Variants in LMO3 observed in about 807,000 individuals in gnomAD.
LMO3 encodes the protein LIM domain only protein 3.
In LMO3, 2 loss-of-function variants were observed where a neutral mutation model predicts 15.8. That is an observed-to-expected ratio of 0.13 (90% CI 0.05 to 0.40). The LOEUF is 0.40. Among genes scored for constraint, LMO3 ranks in the 10% least tolerant of loss-of-function variants. The pLI is 0.99. For synonymous variants in LMO3, 62 were observed against 63.8 expected, an observed-to-expected ratio of 0.97 and a Z score of 0.13; for missense variants, 86 against 182.2, an observed-to-expected ratio of 0.47 and a Z score of 3.04.
chr12:16,580,578 G>T (rs1429930156), intron 2 of LMO3, among the ~76,000 whole-genome samples: 1 of 152,130 alleles, frequency 6.6e-6, no homozygotes, highest in Non-Finnish European at 1.5e-5. Context: ...TCAGGTAGTA[G>T]ATTATATAAA....
chr12:16,586,890 C>T lies in LMO3; in HGVS notation c.206+13765G>A, dbSNP rs969837369. ...AAAATGGTAAAATTAGACAATACGTCTCATCTAAATTCATGGAATTCTCCC... is the reference window on the plus strand; with the variant it reads ...AAAATGGTAAAATTAGACAATACGTTTCATCTAAATTCATGGAATTCTCCC... On this transcript the variant is annotated intron_variant, in intron 2 of 3. Coordinates refer to ENST00000537304, the MANE Select transcript of LMO3 (RefSeq NM_018640.5). The surrounding 1 kb of genome is among the most constrained non-coding windows in gnomAD (Gnocchi z 4.3). 3.3e-5 allele frequency among the ~76,000 whole-genome samples: 5 copies of T among 152,138 alleles called. No individual in the cohort carries two copies. The highest frequency in any genetic ancestry group is 5.9e-5 in the Non-Finnish European group (4 of 68,026).
In LMO3 at chr12:16,586,869, TG is replaced by T. The variant is rs1943339214; in HGVS notation, c.206+13785del. Among the ~76,000 whole-genome samples the T allele has an allele frequency of 1.3e-5, 2 of 152,194 alleles. No homozygotes were observed. The highest frequency in any genetic ancestry group is 2.4e-5 in the African/African-American group (1 of 41,458). ...CTGGATGACAGATTTGTTTTTAAAA[TG>T]GTAAAATTAGACAATACGTCTCATC... On this transcript the variant is annotated intron_variant, in intron 2 of 3. Transcript: ENST00000537304. The surrounding 1 kb of genome is among the most constrained non-coding windows in gnomAD (Gnocchi z 4.3).
chr12:16,573,300 T>C (rs1942882605), intron 2 of LMO3, among the ~76,000 whole-genome samples: 1 of 152,110 alleles, frequency 6.6e-6, no homozygotes, highest in African/African-American at 2.4e-5. Context: ...TCAGATATAG[T>C]TGAAACAAAA....
chr12:16,564,239 C>T (rs1298346419), intron 2 of LMO3, among the ~76,000 whole-genome samples: 1 of 152,148 alleles, frequency 6.6e-6, no homozygotes, highest in Non-Finnish European at 1.5e-5. Context: ...TGCTGTATTA[C>T]ACCTGCCACA....
intron 2 of LMO3, among the ~76,000 whole-genome samples, chr12:16,574,158 G>C (rs180904585): frequency 2.0e-5 from 3 of 152,040 alleles, no homozygotes; most frequent in Non-Finnish European, 2.9e-5. Flanking sequence ...CCAAGACCCA[G>C]AGTAAGTTAG....
intron 2 of LMO3, among the ~76,000 whole-genome samples, chr12:16,592,880 T>C (rs1424788782): frequency 2.6e-5 from 4 of 151,826 alleles, no homozygotes; most frequent in Non-Finnish European, 4.4e-5. Context: ...CAAAAACAGG[T>C]AAATAAACAT....
rs769258227 is a variant in LMO3 at position 16,560,558 on chromosome 12, T to C, written c.207-20A>G. The C allele has an allele frequency of 6.2e-7, 1 of 1,601,540 alleles. No homozygotes were observed. The highest frequency in any genetic ancestry group is 1.4e-5 in the African/African-American group (1 of 73,868). ...AAGAGCCTAGAATAAGAAACATTTTTTTTTTTTTACAAACTCTTACAGAGA... is the reference window on the plus strand; with the variant it reads ...AAGAGCCTAGAATAAGAAACATTTTCTTTTTTTTACAAACTCTTACAGAGA... On this transcript the variant is annotated intron_variant, in intron 2 of 3. Coordinates refer to ENST00000537304, the MANE Select transcript of LMO3 (RefSeq NM_018640.5). The surrounding 1 kb of genome is among the most constrained non-coding windows in gnomAD (Gnocchi z 5.0).
At chr12:16,601,055 C>T (rs1268276391) in intron 1 of LMO3, among the ~76,000 whole-genome samples, 187 bp from the exon 2 acceptor site, 1 of 152,164 alleles carries the variant, frequency 6.6e-6, no homozygotes, top group African/African-American at 2.4e-5. Flanking sequence ...CTTATTAAAT[C>T]ATTCAAAAAG....
Position 16,591,304 on chromosome 12 carries a change from C to T in LMO3, c.206+9351G>A, listed in dbSNP as rs546274028. Among the ~76,000 whole-genome samples, 11 of 152,074 alleles carry T rather than the reference C, an allele frequency of 7.2e-5. No individual in the cohort carries two copies. Among genetic ancestry groups the T allele is most frequent in the South Asian group, 2.1e-4 (1 of 4,814 alleles). On this transcript the variant is annotated intron_variant, in intron 2 of 3. Coordinates refer to ENST00000537304, the MANE Select transcript of LMO3 (RefSeq NM_018640.5). The surrounding 1 kb of genome is among the most constrained non-coding windows in gnomAD (Gnocchi z 4.1). ...CTGAGCCCAGAATGTCCTTCCCATACGTGATCATGGCTAGCTCCTTCACTT... is the reference window on the plus strand; with the variant it reads ...CTGAGCCCAGAATGTCCTTCCCATATGTGATCATGGCTAGCTCCTTCACTT...
chr12:16,554,215 C>T (rs944830917), intron 3 of LMO3, among the ~76,000 whole-genome samples: 1 of 152,090 alleles, frequency 6.6e-6, no homozygotes, highest in Non-Finnish European at 1.5e-5. Context: ...AAATATAGTG[C>T]TTAGTTTTAA....
upstream of LMO3, among the ~76,000 whole-genome samples, chr12:16,608,883 T>A (rs1944078092): frequency 1.3e-5 from 2 of 152,218 alleles, no homozygotes; most frequent in South Asian, 4.1e-4. This position sits in a 1 kb window ranked among gnomAD's most constrained non-coding sequence, Gnocchi z 4.1. Flanking sequence ...CATAAAATGC[T>A]CTTCTTTTCA....
intron 2 of LMO3, among the ~76,000 whole-genome samples, chr12:16,578,794 G>A (rs1408055610): frequency 1.3e-5 from 2 of 151,424 alleles, no homozygotes; most frequent in African/African-American, 4.9e-5. Flanking sequence ...CTCCAGCCTG[G>A]GAGACAGAGC....
chr12:16,586,668 G>A lies in LMO3; in HGVS notation c.206+13987C>T, dbSNP rs536677880. ...GATGTGGCAATAAGGCTATACCGTCGGGGTAGAGATTTCAAGATACACATC... is the reference window on the plus strand; with the variant it reads ...GATGTGGCAATAAGGCTATACCGTCAGGGTAGAGATTTCAAGATACACATC... On this transcript the variant is annotated intron_variant, in intron 2 of 3. Coordinates refer to ENST00000537304, the MANE Select transcript of LMO3 (RefSeq NM_018640.5). The surrounding 1 kb of genome is among the most constrained non-coding windows in gnomAD (Gnocchi z 4.3). 5.4e-4 allele frequency among the ~76,000 whole-genome samples: 82 copies of A among 152,192 alleles called. 1 individual carries two copies. Among genetic ancestry groups the A allele is most frequent in the African/African-American group, 1.8e-3 (75 of 41,522 alleles).
In LMO3 at chr12:16,559,555, A is replaced by G. The variant is rs1016253315; in HGVS notation, c.332+858T>C. ...ACACTTTTTCAAATGCTCCTCTCCA[A>G]TGATAATAATTGTTTAATTATTAGC... On this transcript the variant is annotated intron_variant, in intron 3 of 3. Coordinates refer to ENST00000537304, the MANE Select transcript of LMO3 (RefSeq NM_018640.5). The surrounding 1 kb of genome is among the most constrained non-coding windows in gnomAD (Gnocchi z 4.1). Among the ~76,000 whole-genome samples the G allele has an allele frequency of 6.6e-6, 1 of 152,176 alleles. No individual in the cohort carries two copies. Among genetic ancestry groups the G allele is most frequent in the African/African-American group, 2.4e-5 (1 of 41,440 alleles).
At chr12:16,565,142 T>A (rs536894427) in intron 2 of LMO3, among the ~76,000 whole-genome samples, 2 of 152,020 alleles carry the variant, frequency 1.3e-5, no homozygotes, top group Non-Finnish European at 2.9e-5. Context: ...ATCCTATCTT[T>A]AAAAAAAACT....
chr12:16,594,137 C>A (rs1292348955), intron 2 of LMO3: 1 of 1,531,850 alleles, frequency 6.5e-7, no homozygotes, highest in Non-Finnish European at 8.7e-7. Flanking sequence ...TAAAGCTTAC[C>A]AAGCTATGGT....
At chr12:16,566,593 TAAAGA>T (rs986068311) in intron 2 of LMO3, among the ~76,000 whole-genome samples, 17 of 152,264 alleles carry the variant, frequency 1.1e-4, no homozygotes, top group African/African-American at 2.9e-4. Flanking sequence ...GACCATATAT[TAAAGA>T]AAAGACATTT....
At chr12:16,605,699 C>G (rs1448461092) in intron 1 of LMO3, 19 of 1,413,116 alleles carry the variant, frequency 1.3e-5, no homozygotes, top group Non-Finnish European at 1.5e-5. Context: ...CCCTCTCTCC[C>G]CGGGAGTCAG....
In LMO3 at chr12:16,579,126, AT is replaced by A. The variant is rs570418073; in HGVS notation, c.207-18589del. Reference sequence around the variant, plus strand: ...ATAAAGGTCATAAACTTCCACAGGGATTTTTTTTTGAAGAGAACAACATGTT... The same window carrying A: ...ATAAAGGTCATAAACTTCCACAGGGATTTTTTTTGAAGAGAACAACATGTT... On this transcript the variant is annotated intron_variant, in intron 2 of 3. Transcript: ENST00000537304. 4.6e-5 allele frequency among the ~76,000 whole-genome samples: 7 copies of A among 151,524 alleles called. No homozygotes were observed. In the East Asian group the frequency reaches 1.2e-3, roughly 25 times the overall value.
Sources: gnomAD v4.1 joint callset for allele counts (sites outside exome capture counted in the v4.1 genomes callset) on GRCh38, gnomAD v4.1.1 for gene constraint, Gnocchi (gnomAD v3.1) non-coding constraint, MANE v1.5 for transcripts, NCBI Gene and HGNC (gene_info 2026-07-23, HGNC 2026-07-21) for gene names.